TDRP: variants seen among roughly 807,000 people sequenced by gnomAD.
TDRP encodes the protein testis development-related protein.
A neutral mutation model predicts 10.5 loss-of-function variants in TDRP; 12 were observed. That is an observed-to-expected ratio of 1.15 (90% confidence interval 0.73 to 1.86). The LOEUF (loss-of-function observed/expected upper bound fraction) is 1.86, where lower values mean the gene tolerates loss of function less well. Ranked by LOEUF, TDRP falls within the 40% of genes most tolerant of loss-of-function variation. The pLI is 0.00. For synonymous variants in TDRP, 139 were observed against 95.4 expected, an observed-to-expected ratio of 1.46 and a Z score of -2.67; for missense variants, 353 against 229.2, an observed-to-expected ratio of 1.54 and a Z score of -3.49.
chr8:492,632 A>G lies in TDRP; in HGVS notation c.325T>C (p.Trp109Arg). 6.2e-7 allele frequency: 1 copy of G among 1,614,046 alleles called. No individual in the cohort carries two copies. The highest frequency in any genetic ancestry group is 8.5e-7 in the Non-Finnish European group (1 of 1,179,878). ...QSKKPDEIEG[W>R]EPPKLALEDI... ...TCAAGAGCAAGTTTTGGAGGCTCCC[A>G]ACCTTCAATTTCATCTGGTTTTTTA... Residue 109 changes from tryptophan to arginine, a missense_variant, in exon 3 of 3, where the codon TGG (tryptophan) becomes CGG (arginine). By Grantham distance (101) the Trp-to-Arg change is moderately radical (BLOSUM62 -3). Transcript: ENST00000324079.
chr8:521,185 G>A (rs143112857), intron 1 of TDRP, among the ~76,000 whole-genome samples: 1 of 145,722 alleles, frequency 6.9e-6, no homozygotes, highest in East Asian at 2.0e-4. Flanking sequence ...GGCGGATCAT[G>A]AGGTCAGGAG....
chr8:494,366 A>G (rs1290309485), intron 2 of TDRP, 128 bp downstream of exon 2: 2 of 791,644 alleles, frequency 2.5e-6, no homozygotes, highest in South Asian at 1.7e-5. Flanking sequence ...GGAGGGAAAC[A>G]TGGACTCGCC....
At chr8:536,200 C>T (rs1180495749) in intron 1 of TDRP, among the ~76,000 whole-genome samples, 1 of 152,132 alleles carries the variant, frequency 6.6e-6, no homozygotes, top group Non-Finnish European at 1.5e-5. Flanking sequence ...TTACTAAAAG[C>T]ACACAGTTGA....
intron 1 of TDRP, among the ~76,000 whole-genome samples, chr8:537,192 G>C (rs549310372): frequency 1.3e-4 from 20 of 152,270 alleles, no homozygotes; most frequent in Non-Finnish European, 1.3e-4. Context: ...TCCCTTCCTG[G>C]GCTGGCTCCC....
chr8:544,820 G>A lies in TDRP; in HGVS notation c.-63C>T, dbSNP rs1009510092. 8 of 1,147,472 alleles carry A rather than the reference G, an allele frequency of 7.0e-6. No individual in the cohort carries two copies. The Admixed American group carries it at 1.7e-4, about 25-fold the overall frequency. The allele number at this position is 1,147,472 out of a possible 1,614,324, so 71.1% of individuals were successfully genotyped here. ...GGGCTGTGGCTCCGCGTCCCTCCCG[G>A]CCGCCGGACGCTCTGCCTGCGGCTC... On this transcript the variant is annotated 5_prime_UTR_variant, in exon 1 of 3. Transcript: ENST00000324079.
chr8:509,300 C>A (rs1584862666), intron 1 of TDRP, among the ~76,000 whole-genome samples: 2 of 152,322 alleles, frequency 1.3e-5, no homozygotes, highest in East Asian at 1.9e-4. Context: ...GGCTCCAACC[C>A]CACATTTCCC....
intron 1 of TDRP, among the ~76,000 whole-genome samples, chr8:542,032 T>A (rs1802508402): frequency 6.6e-6 from 1 of 151,710 alleles, no homozygotes; most frequent in African/African-American, 2.4e-5. Flanking sequence ...CTCCAGAGGG[T>A]GAAGGGATAA....
intron 2 of TDRP, among the ~76,000 whole-genome samples, chr8:494,260 C>G (rs917170882): frequency 3.3e-5 from 5 of 152,086 alleles, no homozygotes; most frequent in East Asian, 3.9e-4. Context: ...CATGCCCAGC[C>G]CATTTCTGTT....
intron 1 of TDRP, among the ~76,000 whole-genome samples, chr8:533,726 C>A: frequency 6.6e-6 from 1 of 152,150 alleles, no homozygotes; most frequent in Non-Finnish European, 1.5e-5. Flanking sequence ...CCTCCTGTGT[C>A]AGTTCAACTG....
intron 1 of TDRP, among the ~76,000 whole-genome samples, chr8:519,651 T>G (rs1037267470): frequency 6.6e-6 from 1 of 151,992 alleles, no homozygotes; most frequent in African/African-American, 2.4e-5. Flanking sequence ...AAGGGTTGGG[T>G]TGCTCACTGC....
intron 1 of TDRP, among the ~76,000 whole-genome samples, chr8:520,379 CTCT>C (rs1415833835): frequency 6.6e-6 from 1 of 152,170 alleles, no homozygotes; most frequent in Non-Finnish European, 1.5e-5. Flanking sequence ...GCTGCTTCTC[CTCT>C]TATTATAAGT....
rs17665931 is a variant in TDRP, at chr8:514,535, G to A, written c.109-19938C>T. On this transcript the variant is annotated intron_variant, in intron 1 of 2. Transcript: ENST00000324079. ...ACATTTGCCTCAATGCAGGGACCAG[G>A]ACACCACTGCCAAGTCTGTTGACCT... 4.7e-3 allele frequency among the ~76,000 whole-genome samples: 723 copies of A among 152,222 alleles called. 8 individuals are homozygous for A. The highest frequency in any genetic ancestry group is 0.034 in the Middle Eastern group (10 of 292).
At chr8:507,848 C>A (rs1014466853) in intron 1 of TDRP, among the ~76,000 whole-genome samples, 3 of 152,162 alleles carry the variant, frequency 2.0e-5, no homozygotes, top group African/African-American at 7.2e-5. Flanking sequence ...ATAATCTGTA[C>A]AACAAACTCC....
upstream of TDRP, chr8:545,540 G>C (rs1170383844): frequency 2.0e-5 from 3 of 152,158 alleles, no homozygotes; most frequent in Non-Finnish European, 4.4e-5. Flanking sequence ...GCGCATGCGC[G>C]CCGCTGGCGC....
intron 1 of TDRP, among the ~76,000 whole-genome samples, chr8:496,492 G>T (rs988075793): frequency 1.3e-5 from 2 of 152,156 alleles, no homozygotes; most frequent in African/African-American, 4.8e-5. Context: ...TGACCTTGGG[G>T]AACTTAGCTC....
chr8:525,447 A>C (rs1802010535), intron 1 of TDRP, among the ~76,000 whole-genome samples: 1 of 152,226 alleles, frequency 6.6e-6, no homozygotes, highest in Non-Finnish European at 1.5e-5. Context: ...TAAAGTACTC[A>C]TATCTTATGT....
intron 1 of TDRP, among the ~76,000 whole-genome samples, chr8:507,716 G>A (rs1410879634): frequency 6.6e-6 from 1 of 152,054 alleles, no homozygotes; most frequent in Admixed American, 6.6e-5. Flanking sequence ...AAATAAAGAG[G>A]CAAATAACAA....
At chr8:519,139 G>A (rs188529301) in intron 1 of TDRP, among the ~76,000 whole-genome samples, 1 of 152,136 alleles carries the variant, frequency 6.6e-6, no homozygotes, top group Non-Finnish European at 1.5e-5. Flanking sequence ...CATGCCTAGG[G>A]AATGAAACCT....
At chr8:527,477 C>G (rs1339480714) in intron 1 of TDRP, among the ~76,000 whole-genome samples, 1 of 151,578 alleles carries the variant, frequency 6.6e-6, no homozygotes, top group Non-Finnish European at 1.5e-5. Context: ...GCAAAAAGAA[C>G]AAAACTGGAG....
Sources: gnomAD v4.1 joint callset for allele counts (sites outside exome capture counted in the v4.1 genomes callset) on GRCh38, gnomAD v4.1.1 for gene constraint, MANE v1.5 for transcripts, NCBI Gene and HGNC (gene_info 2026-07-23, HGNC 2026-07-21) for gene names.